PLEKHA5: variants seen among roughly 807,000 people sequenced by gnomAD.
PLEKHA5 encodes pleckstrin homology domain-containing family A member 5.
Under a neutral mutation model 181.9 loss-of-function variants are expected in PLEKHA5, and 55 were observed. That is an observed-to-expected ratio of 0.30 (90% CI 0.24 to 0.38). PLEKHA5 has a LOEUF of 0.38. Ranked by LOEUF, PLEKHA5 falls within the 10% of genes least tolerant of loss-of-function variation. The pLI is 1.00. For synonymous variants in PLEKHA5, 535 were observed against 529.4 expected, an observed-to-expected ratio of 1.01 and a Z score of -0.15; for missense variants, 1,432 against 1,549.5, an observed-to-expected ratio of 0.92 and a Z score of 1.27.
intron 15 of PLEKHA5, among the ~76,000 whole-genome samples, chr12:19,309,801 C>T (rs1371873409): frequency 6.6e-6 from 1 of 152,018 alleles, no homozygotes; most frequent in Non-Finnish European, 1.5e-5. Context: ...TGTGTTACTG[C>T]AGTAGTATTC....
chr12:19,233,158 T>G (rs2060891957), intron 3 of PLEKHA5, among the ~76,000 whole-genome samples: 1 of 152,196 alleles, frequency 6.6e-6, no homozygotes, highest in Non-Finnish European at 1.5e-5. Flanking sequence ...TTACTTTGGT[T>G]TTTCTTTTTT....
intron 15 of PLEKHA5, among the ~76,000 whole-genome samples, chr12:19,292,730 G>A (rs913876032): frequency 6.6e-6 from 1 of 152,196 alleles, no homozygotes; most frequent in African/African-American, 2.4e-5. Flanking sequence ...CCTAAGGTCA[G>A]GAATTTGAGA....
At chr12:19,350,955 C>CTTTTT (rs35006570) in intron 25 of PLEKHA5, among the ~76,000 whole-genome samples, 13 of 112,534 alleles carry the variant, frequency 1.2e-4, no homozygotes, top group African/African-American at 2.8e-4. Context: ...TATTCAAAGT[C>CTTTTT]TTTTTTTTTT....
chr12:19,333,441 G>A (rs11044495), intron 20 of PLEKHA5, among the ~76,000 whole-genome samples: 121,795 of 151,194 alleles, frequency 0.81, 50,533 homozygotes, highest in Non-Finnish European at 0.91. Flanking sequence ...TTATCCAAGC[G>A]TGGTGGTGCG....
At chr12:19,225,171 T>C (rs1331663467) in intron 3 of PLEKHA5, among the ~76,000 whole-genome samples, 1 of 152,120 alleles carries the variant, frequency 6.6e-6, no homozygotes, top group Admixed American at 6.6e-5. Context: ...ACAGCTACTT[T>C]CAGTCCGCTT....
intron 8 of PLEKHA5, among the ~76,000 whole-genome samples, chr12:19,268,877 A>C (rs1010960100): frequency 3.9e-5 from 6 of 152,178 alleles, no homozygotes; most frequent in African/African-American, 1.4e-4. Context: ...TAGTTTATTA[A>C]GGAACAGCTC....
At chr12:19,233,965 G>A (rs995555524) in intron 3 of PLEKHA5, among the ~76,000 whole-genome samples, 3 of 152,200 alleles carry the variant, frequency 2.0e-5, no homozygotes, top group East Asian at 1.9e-4. Flanking sequence ...TTCCTAAAAC[G>A]TGGTTTGGGC....
intron 3 of PLEKHA5, among the ~76,000 whole-genome samples, chr12:19,184,604 CAG>C (rs1229434777): frequency 1.3e-5 from 2 of 152,136 alleles, no homozygotes; most frequent in African/African-American, 4.8e-5. Context: ...TCATGGAAGA[CAG>C]AATGTCTGAA....
chr12:19,147,538 C>T (rs1181783650), intron 3 of PLEKHA5, among the ~76,000 whole-genome samples: 2 of 151,140 alleles, frequency 1.3e-5, no homozygotes, highest in Non-Finnish European at 2.9e-5. Context: ...TATGAAAAGA[C>T]AACTTTGAAT....
chr12:19,270,752 G>C (rs2072444369), intron 10 of PLEKHA5, among the ~76,000 whole-genome samples: 1 of 152,128 alleles, frequency 6.6e-6, no homozygotes, highest in Non-Finnish European at 1.5e-5. Flanking sequence ...GTCAGTGACA[G>C]CTGAGCACAT....
chr12:19,279,961 CA>C (rs1266133435), intron 11 of PLEKHA5, among the ~76,000 whole-genome samples: 2 of 149,728 alleles, frequency 1.3e-5, no homozygotes, highest in Non-Finnish European at 3.0e-5. Context: ...CCCCAATAGA[CA>C]CAAATTATGC....
At chr12:19,328,692 C>T (rs1162440065) in intron 20 of PLEKHA5, among the ~76,000 whole-genome samples, 2 of 151,560 alleles carry the variant, frequency 1.3e-5, no homozygotes, top group Non-Finnish European at 2.9e-5. Flanking sequence ...GATTTTGTGT[C>T]CTGAAACTTT....
intron 22 of PLEKHA5, among the ~76,000 whole-genome samples, chr12:19,344,831 A>G (rs1236797520): frequency 6.6e-6 from 1 of 152,118 alleles, no homozygotes; most frequent in Admixed American, 6.6e-5. Flanking sequence ...GAAATCGGCC[A>G]GGCGTGGTTG....
chr12:19,306,978 T>A, intron 15 of PLEKHA5: 1 of 1,414,082 alleles, frequency 7.1e-7, no homozygotes, highest in Non-Finnish European at 9.9e-7. Context: ...TTACTCAGAC[T>A]GGCGCTGTTC....
intron 26 of PLEKHA5, 25 bp from the exon 27 acceptor site, chr12:19,358,203 T>A (rs2095054828): frequency 6.7e-7 from 1 of 1,497,726 alleles, no homozygotes; most frequent in Non-Finnish European, 9.3e-7. Context: ...ATTTATGTAT[T>A]GATATGTTCA....
intron 3 of PLEKHA5, among the ~76,000 whole-genome samples, chr12:19,171,007 G>A (rs983403234): frequency 2.6e-5 from 4 of 152,174 alleles, no homozygotes; most frequent in Admixed American, 2.6e-4. Context: ...CTTTAATCAA[G>A]TGAAAACTTT....
chr12:19,166,972 T>C (rs925732635), intron 3 of PLEKHA5, among the ~76,000 whole-genome samples: 6 of 152,174 alleles, frequency 3.9e-5, no homozygotes, highest in Non-Finnish European at 8.8e-5. Context: ...ATTAAAGAAG[T>C]CACTAAACAT....
At chr12:19,320,165 G>A (rs1007761266) in intron 17 of PLEKHA5, 109 bp downstream of exon 17, 54 of 429,512 alleles carry the variant, frequency 1.3e-4, no homozygotes, top group South Asian at 8.5e-5. Flanking sequence ...TGTATATACC[G>A]TGAAGGATGG....
At chr12:19,281,727 T>C (rs549664734) in intron 11 of PLEKHA5, among the ~76,000 whole-genome samples, 109 of 152,252 alleles carry the variant, frequency 7.2e-4, no homozygotes, top group Non-Finnish European at 1.3e-3. Flanking sequence ...GGCACTGTGA[T>C]AGTTTTATAA....
Sources: allele counts gnomAD v4.1 joint callset (sites outside exome capture counted in the v4.1 genomes callset), GRCh38; gene constraint gnomAD v4.1.1; transcripts MANE v1.5; gene names NCBI Gene and HGNC (gene_info 2026-07-23, HGNC 2026-07-21).